The following VSNL1 variants were observed in gnomAD, a reference collection of about 807,000 sequenced individuals.
VSNL1 encodes the protein visinin like 1.
VSNL1 carries 6 observed loss-of-function variants against 20.4 expected under a neutral mutation model. The ratio of observed to expected loss-of-function variants is 0.29; its 90% confidence interval spans 0.16 to 0.58. The LOEUF is 0.58. Among genes scored for constraint, VSNL1 ranks in the 20% least tolerant of loss-of-function variants. VSNL1 has a pLI of 0.90. For synonymous variants in VSNL1, 93 were observed against 86.4 expected, an observed-to-expected ratio of 1.08 and a Z score of -0.42; for missense variants, 100 against 234.5, an observed-to-expected ratio of 0.43 and a Z score of 3.75.
intron 1 of VSNL1, among the ~76,000 whole-genome samples, chr2:17,556,231 A>G (rs1026080217): frequency 1.3e-5 from 2 of 152,222 alleles, no homozygotes; most frequent in African/African-American, 4.8e-5. Context: ...GGCAGAGTCC[A>G]TATGCCAGTG....
At position 17,544,246 on chromosome 2, in the gene VSNL1, A is replaced by T. The variant is rs1024808621; in HGVS notation, c.-6+3328A>T. Among the ~76,000 whole-genome samples the T allele has an allele frequency of 7.2e-5, 11 of 152,326 alleles. No homozygotes were observed. In the East Asian group the frequency reaches 1.7e-3, roughly 24 times the overall value. ...TTAATTTAACCCCTCCTCTGTTGGTAAATCTTTACAGAATTGGGATGAGCT... is the reference window on the plus strand; with the variant it reads ...TTAATTTAACCCCTCCTCTGTTGGTTAATCTTTACAGAATTGGGATGAGCT... On this transcript the variant is annotated intron_variant, in intron 1 of 3. Transcript: ENST00000295156.
chr2:17,559,093 G>T lies in VSNL1; in HGVS notation c.-6+18175G>T, dbSNP rs566009805. On this transcript the variant is annotated intron_variant, in intron 1 of 3. Coordinates refer to ENST00000295156, the MANE Select transcript of VSNL1 (RefSeq NM_003385.5). ...GGCTTGCACCTCATGATCTAGTGTG[G>T]CGGCAGCCACATATCGGCTTTCTAA... is the stretch of plus-strand genomic sequence containing the variant. Among the ~76,000 whole-genome samples, 10 of 152,066 alleles carry T rather than the reference G, an allele frequency of 6.6e-5. No homozygotes were observed. In the East Asian group the frequency reaches 1.9e-3, roughly 29 times the overall value.
At chr2:17,629,944 G>A (rs1018790842) in intron 2 of VSNL1, among the ~76,000 whole-genome samples, 5 of 152,210 alleles carry the variant, frequency 3.3e-5, no homozygotes, top group African/African-American at 9.6e-5. Flanking sequence ...TCGGAATGGC[G>A]AGTGCATGCA....
At chr2:17,628,786 C>G (rs1325644367) in intron 2 of VSNL1, among the ~76,000 whole-genome samples, 1 of 152,228 alleles carries the variant, frequency 6.6e-6, no homozygotes, top group South Asian at 2.1e-4. Context: ...AGCCACCTGC[C>G]TGTTCTGTAG....
chr2:17,583,566 A>G (rs1166218433), intron 1 of VSNL1, among the ~76,000 whole-genome samples: 1 of 152,228 alleles, frequency 6.6e-6, no homozygotes, highest in East Asian at 1.9e-4. Context: ...TAAGGTGCAG[A>G]AAAGTGGGTG....
intron 3 of VSNL1, among the ~76,000 whole-genome samples, chr2:17,650,103 C>T (rs1022950648): frequency 3.3e-5 from 5 of 152,188 alleles, no homozygotes; most frequent in Admixed American, 3.3e-4. Flanking sequence ...GTACTGCATT[C>T]CCAATGTGAA....
chr2:17,585,381 A>AT (rs1225168231), intron 1 of VSNL1, among the ~76,000 whole-genome samples: 9 of 124,510 alleles, frequency 7.2e-5, no homozygotes, highest in Non-Finnish European at 1.4e-4. Flanking sequence ...TGCCTTCATT[A>AT]TAAAAAAAAA....
intron 1 of VSNL1, among the ~76,000 whole-genome samples, chr2:17,543,229 A>T (rs975703867): frequency 6.6e-6 from 1 of 152,040 alleles, no homozygotes; most frequent in Admixed American, 6.6e-5. Context: ...CCTCCTCTGC[A>T]TCTCAGACAA....
At chr2:17,599,769 G>T (rs1664785751) in intron 2 of VSNL1, among the ~76,000 whole-genome samples, 1 of 152,232 alleles carries the variant, frequency 6.6e-6, no homozygotes. Flanking sequence ...GAAGTCAGGA[G>T]ACTTGGCTGA....
chr2:17,656,704 T>G lies in VSNL1; in HGVS notation c.*1310T>G, dbSNP rs761833625. The G allele has an allele frequency of 2.0e-5, 3 of 152,094 alleles. No individual in the cohort carries two copies. Among genetic ancestry groups the G allele is most frequent in the Non-Finnish European group, 4.4e-5 (3 of 68,018 alleles). The allele number at this position is 152,094 out of a possible 1,614,324, so 9.4% of individuals were successfully genotyped here. A position where few individuals can be genotyped will look rare whatever the true frequency, so the allele number is the denominator to read the frequency against. ...TTTCAGAACATGCCCCCCTAGAGAGTTGAGTTTTTTACACAGCACTACCCG... is the reference window on the plus strand; with the variant it reads ...TTTCAGAACATGCCCCCCTAGAGAGGTGAGTTTTTTACACAGCACTACCCG... On this transcript the variant is annotated 3_prime_UTR_variant, in exon 4 of 4. Coordinates refer to ENST00000295156, the MANE Select transcript of VSNL1 (RefSeq NM_003385.5).
chr2:17,596,089 T>C (rs1664704735), intron 2 of VSNL1, among the ~76,000 whole-genome samples: 1 of 152,212 alleles, frequency 6.6e-6, no homozygotes, highest in South Asian at 2.1e-4. Context: ...CCCCAGTCTG[T>C]GGTGCTTTGT....
intron 1 of VSNL1, among the ~76,000 whole-genome samples, chr2:17,581,730 C>T (rs1198061845): frequency 6.6e-6 from 1 of 152,178 alleles, no homozygotes. Flanking sequence ...CCTAACAGCA[C>T]TTAGTACAGT....
chr2:17,629,206 T>C (rs1665578850), intron 2 of VSNL1, among the ~76,000 whole-genome samples: 2 of 152,198 alleles, frequency 1.3e-5, no homozygotes, highest in Admixed American at 6.5e-5. Flanking sequence ...GGTTGTTTAG[T>C]TGAAGGGCTC....
At chr2:17,599,446 T>C (rs13391422) in intron 2 of VSNL1, among the ~76,000 whole-genome samples, 4,831 of 152,312 alleles carry the variant, frequency 0.032, 253 homozygotes, top group African/African-American at 0.11. Flanking sequence ...GGGTCAAGTA[T>C]GTTAGGTTGA....
chr2:17,552,519 T>A (rs2103340471), intron 1 of VSNL1, among the ~76,000 whole-genome samples: 1 of 152,290 alleles, frequency 6.6e-6, no homozygotes, highest in East Asian at 1.9e-4. Flanking sequence ...AGCCCCCATG[T>A]ACCCATCACC....
intron 1 of VSNL1, among the ~76,000 whole-genome samples, chr2:17,570,346 A>G (rs949528131): frequency 5.3e-5 from 8 of 152,236 alleles, no homozygotes; most frequent in Admixed American, 1.3e-4. Context: ...CACCAGCCCT[A>G]TACCAATCAT....
intron 2 of VSNL1, among the ~76,000 whole-genome samples, chr2:17,614,046 G>C (rs1041049571): frequency 6.6e-6 from 1 of 152,210 alleles, no homozygotes; most frequent in African/African-American, 2.4e-5. Flanking sequence ...GTCGGAAAAG[G>C]CTTTCTGGAA....
At chr2:17,581,032 T>G (rs937208479) in intron 1 of VSNL1, among the ~76,000 whole-genome samples, 1 of 152,196 alleles carries the variant, frequency 6.6e-6, no homozygotes, top group African/African-American at 2.4e-5. Context: ...AGCAAGTGTG[T>G]GTATAAAGCA....
intron 2 of VSNL1, among the ~76,000 whole-genome samples, chr2:17,638,011 C>T (rs1369724396): frequency 6.6e-6 from 1 of 152,186 alleles, no homozygotes; most frequent in African/African-American, 2.4e-5. Context: ...GCTGGCCCCA[C>T]GTGCTCAGTT....
Sources: allele counts gnomAD v4.1 joint callset (sites outside exome capture counted in the v4.1 genomes callset), GRCh38; gene constraint gnomAD v4.1.1; transcripts MANE v1.5; gene names NCBI Gene and HGNC (gene_info 2026-07-23, HGNC 2026-07-21).